The following ZC3HAV1 variants were observed in gnomAD, a reference collection of about 807,000 sequenced individuals.
The protein encoded by ZC3HAV1 is zinc finger CCCH-type antiviral protein 1.
In ZC3HAV1, 41 loss-of-function variants were observed where a neutral mutation model predicts 86.6. The ratio of observed to expected loss-of-function variants is 0.47; its 90% CI spans 0.37 to 0.61. The LOEUF (loss-of-function observed/expected upper bound fraction) is 0.61. Ranked by LOEUF, ZC3HAV1 falls within the 20% of genes least tolerant of loss-of-function variation. The probability of loss-of-function intolerance (pLI) is 0.00; values close to 1 mark genes in which losing one functional copy is unlikely to be tolerated. For synonymous variants in ZC3HAV1, 421 were observed against 432.1 expected (o/e 0.97, Z 0.32); for missense variants, 964 against 1,141.1 (o/e 0.84, Z 2.24).
At chr7:139,094,167 A>C (rs56886074) in intron 1 of ZC3HAV1, among the ~76,000 whole-genome samples, 6,939 of 152,156 alleles carry the variant, frequency 0.046, 555 homozygotes, top group African/African-American at 0.16. Flanking sequence ...CCTAGACAGG[A>C]GGTCCATTAG....
chr7:139,078,355 A>C (rs1817016545), intron 5 of ZC3HAV1, among the ~76,000 whole-genome samples, 197 bp downstream of exon 5: 1 of 152,206 alleles, frequency 6.6e-6, no homozygotes, highest in Non-Finnish European at 1.5e-5. Flanking sequence ...TGGTATAGCC[A>C]CTATGAATAA....
intron 4 of ZC3HAV1, chr7:139,079,096 T>A (rs541020407): frequency 2.6e-6 from 4 of 1,535,866 alleles, no homozygotes; most frequent in Admixed American, 2.0e-5. Flanking sequence ...TGTCCTTCAG[T>A]GACTTACACT....
At chr7:139,088,539 G>A (rs1048680215) in intron 2 of ZC3HAV1, among the ~76,000 whole-genome samples, 3 of 152,122 alleles carry the variant, frequency 2.0e-5, no homozygotes, top group Admixed American at 1.3e-4. Context: ...ACACAGAGAC[G>A]GAAGCCACAT....
intron 1 of ZC3HAV1, among the ~76,000 whole-genome samples, chr7:139,100,705 T>G (rs532602657): frequency 6.6e-6 from 1 of 152,210 alleles, no homozygotes; most frequent in Non-Finnish European, 1.5e-5. Flanking sequence ...CAAACACACT[T>G]CGGAAAACAA....
chr7:139,061,367 T>A lies in ZC3HAV1; in HGVS notation c.1994-229A>T, dbSNP rs555268458. Among the ~76,000 whole-genome samples the A allele has an allele frequency of 1.2e-3, 186 of 152,310 alleles. 1 individual carries two copies. The highest frequency in any genetic ancestry group is 2.5e-3 in the Admixed American group (39 of 15,304). On this transcript the variant is annotated intron_variant, in intron 8 of 12. Transcript: ENST00000242351. ...AAAGGAGTGAATGAATATTCAGGAA[T>A]TAATCTCATCTTTAAATCCAAGTTG... is the stretch of plus-strand genomic sequence containing the variant.
In ZC3HAV1 at chr7:139,075,020, T is replaced by G. The variant is rs565470708; in HGVS notation, c.1698-990A>C. On this transcript the variant is annotated intron_variant, in intron 6 of 12. Transcript: ENST00000242351. ...CAATCAGGAACGATTTTGACCTCAG[T>G]GGGTATTTTACAACATCTGAAGACA... is the stretch of plus-strand genomic sequence containing the variant. 1.2e-4 allele frequency among the ~76,000 whole-genome samples: 18 copies of G among 152,268 alleles called. 2 individuals carry two copies. In the South Asian group the frequency reaches 3.3e-3, roughly 28 times the overall value.
At chr7:139,059,874 A>G (rs1203311187) in intron 9 of ZC3HAV1, among the ~76,000 whole-genome samples, 2 of 152,212 alleles carry the variant, frequency 1.3e-5, no homozygotes, top group African/African-American at 4.8e-5. Flanking sequence ...ACACCTGATC[A>G]GTGTTCGGAA....
chr7:139,104,412 G>A (rs1817864510), intron 1 of ZC3HAV1, among the ~76,000 whole-genome samples: 1 of 152,150 alleles, frequency 6.6e-6, no homozygotes, highest in African/African-American at 2.4e-5. Flanking sequence ...GACAATGTAA[G>A]TAGCTAGTTA....
At chr7:139,067,173 C>T (rs956041151) in intron 7 of ZC3HAV1, among the ~76,000 whole-genome samples, 2 of 151,536 alleles carry the variant, frequency 1.3e-5, no homozygotes, top group Non-Finnish European at 2.9e-5. Flanking sequence ...TTCAGGGTGT[C>T]CCTTTCCCTC....
chr7:139,062,409 T>C (rs913486703), intron 8 of ZC3HAV1, among the ~76,000 whole-genome samples: 10 of 152,240 alleles, frequency 6.6e-5, no homozygotes, highest in Admixed American at 6.5e-4. Context: ...TTAGCCTTAG[T>C]TCTTCCTCCT....
intron 1 of ZC3HAV1, among the ~76,000 whole-genome samples, chr7:139,092,869 T>C (rs1817474840): frequency 6.6e-6 from 1 of 152,166 alleles, no homozygotes. Context: ...GCAACATCTC[T>C]GTCTCGTCTT....
intron 1 of ZC3HAV1, among the ~76,000 whole-genome samples, chr7:139,105,295 A>G (rs1563143780): frequency 6.6e-6 from 1 of 152,120 alleles, no homozygotes; most frequent in Non-Finnish European, 1.5e-5. Context: ...CTTTCAGTAG[A>G]TTTCTGAAAG....
chr7:139,079,474 A>T lies in ZC3HAV1; in HGVS notation c.1467T>A (p.Val489=), dbSNP rs762374350. 3 of 1,614,080 alleles carry T rather than the reference A, an allele frequency of 1.9e-6. No homozygotes were observed. The highest frequency in any genetic ancestry group is 1.7e-5 in the Admixed American group (1 of 60,000). ...GTGTCTTCCCTTTGTATTTACCGTT[A>T]ACAAGTGCTACTCTTGGGTCAGCAT... is the stretch of plus-strand genomic sequence containing the variant. ...ADDADPRVAL[V]NDSLSDVTST... is the part of the protein sequence containing the mutation. Residue 489 remains valine (V), a synonymous_variant, in exon 4 of 13, where the codon GTT becomes GTA. Coordinates refer to ENST00000242351, the MANE Select transcript of ZC3HAV1 (RefSeq NM_020119.4).
At chr7:139,061,714 G>A (rs1816449042) in intron 8 of ZC3HAV1, among the ~76,000 whole-genome samples, 1 of 152,072 alleles carries the variant, frequency 6.6e-6, no homozygotes, top group Non-Finnish European at 1.5e-5. Flanking sequence ...CCCATTTCTG[G>A]GTATTTACCC....
At chr7:139,062,360 T>C (rs924457713) in intron 8 of ZC3HAV1, among the ~76,000 whole-genome samples, 1 of 152,212 alleles carries the variant, frequency 6.6e-6, no homozygotes, top group Admixed American at 6.5e-5. Context: ...ACCATCTACC[T>C]GTTCTGTGAA....
chr7:139,109,036 G>C lies in ZC3HAV1; in HGVS notation c.296C>G (p.Ser99Trp). 6.4e-7 allele frequency: 1 copy of C among 1,569,794 alleles called. No homozygotes were observed. The highest frequency in any genetic ancestry group is 8.7e-7 in the Non-Finnish European group (1 of 1,153,460). ...KLNLLGRCNY[S>W]QSERNLCKYS... ...CGGGTGCACTCACCGCTCGGACTGC[G>C]AATAGTTGCACCGGCCCAGCAAGTT... The change falls in exon 1 of 13, where the codon TCG (serine) becomes TGG (tryptophan). Residue 99 changes from serine (S) to tryptophan (W), a missense_variant. Ser to Trp is a radical substitution (Grantham distance 177). Coordinates refer to ENST00000242351, the MANE Select transcript of ZC3HAV1 (RefSeq NM_020119.4).
chr7:139,055,200 A>T lies in ZC3HAV1; in HGVS notation c.2187+5T>A, dbSNP rs372792456. 1.1e-5 allele frequency: 17 copies of T among 1,611,530 alleles called. No homozygotes were observed. The African/African-American group carries it at 2.1e-4, about 20-fold the overall frequency. On this transcript the variant is annotated splice_donor_5th_base_variant and intron_variant, in intron 10 of 12. Coordinates refer to ENST00000242351, the MANE Select transcript of ZC3HAV1 (RefSeq NM_020119.4). ...CTCATCCACCAAACATGTAAAACCA[A>T]GTACCTTATATTTCTTTGAGGATAG...
At chr7:139,078,752 G>T in intron 4 of ZC3HAV1, 99 bp from the exon 5 acceptor site, 2 of 928,264 alleles carry the variant, frequency 2.2e-6, no homozygotes, top group Non-Finnish European at 3.1e-6. Flanking sequence ...TGAAATGGGG[G>T]CCATGTTCAA....
At chr7:139,099,304 A>C (rs923957829) in intron 1 of ZC3HAV1, among the ~76,000 whole-genome samples, 3 of 152,178 alleles carry the variant, frequency 2.0e-5, no homozygotes, top group African/African-American at 7.2e-5. Flanking sequence ...CAATAACATG[A>C]CTCCATGGAC....
Sources: allele counts gnomAD v4.1 joint callset (sites outside exome capture counted in the v4.1 genomes callset), GRCh38; gene constraint gnomAD v4.1.1; transcripts MANE v1.5; gene names NCBI Gene and HGNC (gene_info 2026-07-23, HGNC 2026-07-21).